Variants in RANBP17 observed in about 807,000 individuals in gnomAD.
RANBP17 encodes the protein RAN binding protein 17.
Under a neutral mutation model 141.2 loss-of-function variants are expected in RANBP17, and 158 were observed. The observed-to-expected ratio is 1.12, with a 90% CI of 0.98 to 1.28. RANBP17 has a LOEUF of 1.28. Among genes scored for constraint, RANBP17 ranks in the 50% most tolerant of loss-of-function variants. The pLI is 0.00. For synonymous variants in RANBP17, 430 were observed against 450.0 expected (o/e 0.96, Z 0.56); for missense variants, 1,438 against 1,290.7 (o/e 1.11, Z -1.75).
At chr5:170,903,859 G>T in intron 5 of RANBP17, 2 of 473,292 alleles carry the variant, frequency 4.2e-6, no homozygotes, top group Non-Finnish European at 4.1e-6. Flanking sequence ...AGCTCCGCAA[G>T]ATTTGAAGGG....
intron 14 of RANBP17, among the ~76,000 whole-genome samples, chr5:171,147,402 T>G (rs1002122104): frequency 5.4e-4 from 6 of 11,132 alleles, no homozygotes; most frequent in Middle Eastern, 0.042. Context: ...TTTTTGTGTG[T>G]TTTTTTTTTT....
At chr5:171,094,170 A>G (rs1389125045) in intron 14 of RANBP17, among the ~76,000 whole-genome samples, 1 of 152,154 alleles carries the variant, frequency 6.6e-6, no homozygotes, top group Admixed American at 6.5e-5. Flanking sequence ...CTCTTTTGTG[A>G]GGCCTTGTGC....
At chr5:171,165,937 T>C (rs1023870282) in intron 14 of RANBP17, among the ~76,000 whole-genome samples, 15 of 152,176 alleles carry the variant, frequency 9.9e-5, no homozygotes, top group African/African-American at 3.6e-4. Context: ...GGGTAGGATT[T>C]GGGGTATATT....
intron 16 of RANBP17, among the ~76,000 whole-genome samples, chr5:171,178,706 C>G (rs954852006): frequency 6.6e-6 from 1 of 152,090 alleles, no homozygotes; most frequent in Non-Finnish European, 1.5e-5. Context: ...TTTTAATGAT[C>G]ACCATTCTAA....
At chr5:171,272,430 C>T (rs1767182709) in intron 25 of RANBP17, among the ~76,000 whole-genome samples, 1 of 152,188 alleles carries the variant, frequency 6.6e-6, no homozygotes, top group African/African-American at 2.4e-5. Flanking sequence ...AACTTACTTA[C>T]ATATGCATTA....
chr5:171,010,683 T>TC (rs1195155540), intron 14 of RANBP17, among the ~76,000 whole-genome samples: 1 of 151,864 alleles, frequency 6.6e-6, no homozygotes, highest in East Asian at 1.9e-4. Context: ...AATTCCCCTA[T>TC]CCCCCACAAA....
intron 14 of RANBP17, among the ~76,000 whole-genome samples, chr5:171,066,133 A>G (rs2127684104): frequency 6.6e-6 from 1 of 152,192 alleles, no homozygotes; most frequent in Non-Finnish European, 1.5e-5. Context: ...AGGTGCTGGG[A>G]TTACAGTCAT....
intron 22 of RANBP17, among the ~76,000 whole-genome samples, chr5:171,227,756 G>A (rs1317136546): frequency 1.1e-4 from 16 of 152,196 alleles, no homozygotes; most frequent in Non-Finnish European, 1.5e-5. Context: ...TGCTGACGGT[G>A]ACTTGAAGTT....
intron 14 of RANBP17, among the ~76,000 whole-genome samples, chr5:171,048,127 A>G (rs780786430): frequency 6.6e-6 from 1 of 152,188 alleles, no homozygotes; most frequent in Non-Finnish European, 1.5e-5. Flanking sequence ...CGATGACACA[A>G]TCATGGTTCA....
chr5:171,271,071 ATTTCTTTTTTTT>A (rs1767074507), intron 25 of RANBP17: 1 of 24,194 alleles, frequency 4.1e-5, no homozygotes, highest in South Asian at 2.0e-3. Context: ...TTTTTATGTT[ATTTCTTTTTTTT>A]TTTTTTTTTT....
chr5:171,244,337 C>T (rs1765077837), intron 24 of RANBP17, among the ~76,000 whole-genome samples: 1 of 152,138 alleles, frequency 6.6e-6, no homozygotes, highest in South Asian at 2.1e-4. Flanking sequence ...AAGATCGCAC[C>T]ACTGCACTCC....
chr5:171,149,216 G>A (rs559121001), intron 14 of RANBP17, among the ~76,000 whole-genome samples: 2 of 152,218 alleles, frequency 1.3e-5, no homozygotes, highest in Non-Finnish European at 2.9e-5. Flanking sequence ...AACCTCTTTT[G>A]GAGATACCAT....
chr5:171,090,133 T>C (rs1024286038), intron 14 of RANBP17, among the ~76,000 whole-genome samples: 8 of 152,028 alleles, frequency 5.3e-5, no homozygotes, highest in African/African-American at 1.4e-4. Context: ...CAGAAGAAGA[T>C]AGGAAAATGT....
intron 14 of RANBP17, among the ~76,000 whole-genome samples, chr5:171,127,816 A>G (rs1756601586): frequency 6.6e-6 from 1 of 152,206 alleles, no homozygotes; most frequent in African/African-American, 2.4e-5. Context: ...ATAAACAAAA[A>G]TAGAACTACC....
chr5:171,123,744 A>C (rs192732796), intron 14 of RANBP17, among the ~76,000 whole-genome samples: 1 of 152,336 alleles, frequency 6.6e-6, no homozygotes, highest in Non-Finnish European at 1.5e-5. Context: ...TGTGGCCTAA[A>C]CCATGGAGGA....
chr5:170,898,627 C>T (rs1275600372), intron 5 of RANBP17, among the ~76,000 whole-genome samples: 6 of 151,702 alleles, frequency 4.0e-5, no homozygotes, highest in African/African-American at 1.5e-4. Flanking sequence ...GTGGTACTGC[C>T]TAGGTTAGGG....
chr5:171,050,442 A>T (rs1782882433), intron 14 of RANBP17, among the ~76,000 whole-genome samples: 1 of 152,180 alleles, frequency 6.6e-6, no homozygotes. Context: ...ACTGTAATAC[A>T]TATGTTATGT....
chr5:170,867,987 C>T (rs1767412551), intron 1 of RANBP17, among the ~76,000 whole-genome samples: 1 of 152,166 alleles, frequency 6.6e-6, no homozygotes, highest in Admixed American at 6.5e-5. Context: ...ATACAATATA[C>T]ACTCTCCAGC....
intron 24 of RANBP17, among the ~76,000 whole-genome samples, chr5:171,263,927 T>C (rs1042653615): frequency 6.6e-6 from 1 of 151,974 alleles, no homozygotes; most frequent in Non-Finnish European, 1.5e-5. Flanking sequence ...CCAGGCATGG[T>C]AGTGCACAGC....
Sources: allele counts gnomAD v4.1 joint callset (sites outside exome capture counted in the v4.1 genomes callset), GRCh38; gene constraint gnomAD v4.1.1; transcripts MANE v1.5; gene names NCBI Gene and HGNC (gene_info 2026-07-23, HGNC 2026-07-21).